YBEY: variants seen among roughly 807,000 people sequenced by gnomAD.
YBEY encodes endoribonuclease YbeY.
A neutral mutation model predicts 13.5 loss-of-function variants in YBEY; 15 were observed. That is an observed-to-expected ratio of 1.11 (90% CI 0.75 to 1.72). The LOEUF is 1.72. Among genes scored for constraint, YBEY ranks in the 40% most tolerant of loss-of-function variants. YBEY has a pLI of 0.00. For missense variants in YBEY, 244 were observed against 208.4 expected (o/e 1.17, Z -1.05); for synonymous variants, 101 against 83.1 (o/e 1.21, Z -1.17).
At chr21:46,288,686 A>G (rs1001035102) in intron 2 of YBEY, among the ~76,000 whole-genome samples, 2 of 54,018 alleles carry the variant, frequency 3.7e-5, no homozygotes, top group Non-Finnish European at 9.9e-5. Flanking sequence ...TCAAAAAGAA[A>G]AAAAAAAAAA....
At chr21:46,310,015 A>C in the YBEY span, among the ~76,000 whole-genome samples, 200 of 152,222 alleles carry the variant, frequency 1.3e-3, no homozygotes, top group African/African-American at 4.6e-3. Context: ...ATAAAATAAA[A>C]TAAAATAATC....
intron 2 of YBEY, among the ~76,000 whole-genome samples, chr21:46,290,680 A>C (rs1265725138): frequency 6.6e-6 from 1 of 151,518 alleles, no homozygotes; most frequent in Non-Finnish European, 1.5e-5. Flanking sequence ...AGGCTGAGGC[A>C]GGCAGATCAC....
chr21:46,297,827 A>G, downstream of YBEY: 1 of 1,189,828 alleles, frequency 8.4e-7, no homozygotes, highest in Non-Finnish European at 1.0e-6. Flanking sequence ...TCTGGAGTTC[A>G]GGGAACGCGT....
downstream of YBEY, among the ~76,000 whole-genome samples, chr21:46,299,141 A>G (rs556408052): frequency 1.5e-5 from 2 of 135,182 alleles, no homozygotes; most frequent in Admixed American, 7.9e-5. Context: ...TAATTTTTGT[A>G]TTTCTTAGTA....
chr21:46,302,569 C>T (rs753592277), downstream of YBEY: 2 of 1,611,264 alleles, frequency 1.2e-6, no homozygotes, highest in African/African-American at 1.3e-5. Flanking sequence ...GCAGCAGCTC[C>T]ACCATGTCTG....
rs765023747 is a variant in YBEY at position 46,296,182 on chromosome 21, C to CT, written c.361dup (p.Cys121LeufsTer74). 6 of 1,613,770 alleles carry CT rather than the reference C, an allele frequency of 3.7e-6. No homozygotes were observed. Among genetic ancestry groups the CT allele is most frequent in the East Asian group, 2.2e-5 (1 of 44,870 alleles). On this transcript the variant is annotated frameshift_variant, in exon 4 of 5. Transcript: ENST00000397701. LOFTEE classifies it high-confidence loss of function. ...GACAGGTGACGGCCACCCACGGACTCTGTCACTTGCTGGGATTCACACACG... is the reference window on the plus strand; with the variant it reads ...GACAGGTGACGGCCACCCACGGACTCTTGTCACTTGCTGGGATTCACACACG...
downstream of YBEY, chr21:46,302,644 C>G: frequency 8.1e-7 from 1 of 1,233,556 alleles, no homozygotes; most frequent in Non-Finnish European, 1.2e-6. Context: ...AGTGATAGAG[C>G]ATTATAGGAC....
chr21:46,294,846 A>G (rs915607785), intron 3 of YBEY, among the ~76,000 whole-genome samples: 1 of 152,174 alleles, frequency 6.6e-6, no homozygotes, highest in African/African-American at 2.4e-5. Context: ...CTGCACAGCC[A>G]TGCCCTGAAT....
intron 4 of YBEY, among the ~76,000 whole-genome samples, chr21:46,297,258 C>T (rs2081981561): frequency 6.7e-6 from 1 of 148,806 alleles, no homozygotes; most frequent in South Asian, 2.1e-4. Flanking sequence ...CTCCTCCCCT[C>T]CTCCCCCTTC....
intron 2 of YBEY, among the ~76,000 whole-genome samples, chr21:46,288,888 G>A (rs1304446324): frequency 6.6e-6 from 1 of 152,050 alleles, no homozygotes; most frequent in Non-Finnish European, 1.5e-5. Context: ...CGGGCATGGT[G>A]GTGTGCAGAG....
the YBEY span, chr21:46,311,428 C>CA: frequency 7.2e-7 from 1 of 1,382,256 alleles, no homozygotes; most frequent in Non-Finnish European, 1.0e-6. Flanking sequence ...TTCCTCAACC[C>CA]ACAACAATAT....
chr21:46,292,361 C>T (rs540147926), intron 3 of YBEY, among the ~76,000 whole-genome samples: 4 of 152,360 alleles, frequency 2.6e-5, no homozygotes, highest in Admixed American at 1.3e-4. Context: ...TACATCTGAG[C>T]AGAATTCAGG....
Position 46,297,727 on chromosome 21 carries a change from G to A in YBEY, c.*93G>A, listed in dbSNP as rs745911917. ...GAATAAATAACGAATGAACGTACGA[G>A]GGGAACCTCCTCTTATTTCCTTCAC... On this transcript the variant is annotated 3_prime_UTR_variant, in exon 5 of 5. Coordinates refer to ENST00000397701, the MANE Select transcript of YBEY (RefSeq NM_001314025.2). 29 of 1,251,926 alleles carry A rather than the reference G, an allele frequency of 2.3e-5. No homozygotes were observed. The highest frequency in any genetic ancestry group is 2.8e-5 in the Non-Finnish European group (28 of 990,688). The allele number at this position is 1,251,926 out of a possible 1,614,324, so 77.6% of individuals were successfully genotyped here. A position where few individuals can be genotyped will look rare whatever the true frequency, so the allele number is the denominator to read the frequency against.
At chr21:46,297,484 G>T in intron 4 of YBEY, 55 bp from the exon 5 acceptor site, 1 of 1,322,422 alleles carries the variant, frequency 7.6e-7, no homozygotes, top group South Asian at 2.0e-5. Flanking sequence ...CGACCCCAGA[G>T]AGTGGGGCGC....
intron 3 of YBEY, 41 bp from the exon 4 acceptor site, chr21:46,296,121 G>A (rs1232518680): frequency 3.7e-6 from 6 of 1,612,638 alleles, no homozygotes; most frequent in South Asian, 3.3e-5. Flanking sequence ...GCAGGTTCCT[G>A]TGGGGTCATC....
chr21:46,286,679 C>G, intron 1 of YBEY, 191 bp from the exon 2 acceptor site: 1 of 406,610 alleles, frequency 2.5e-6, no homozygotes, highest in South Asian at 3.8e-5. Context: ...GCCTGGAGTC[C>G]TTCTGGCCGG....
intron 4 of YBEY, 147 bp from the exon 5 acceptor site, chr21:46,297,392 C>T (rs985739161): frequency 4.0e-6 from 2 of 499,360 alleles, no homozygotes; most frequent in Admixed American, 2.6e-4. Context: ...TGCCCGGAGC[C>T]GGGTCCCGCC....
downstream of YBEY, chr21:46,302,112 G>C: frequency 6.6e-7 from 1 of 1,525,644 alleles, no homozygotes; most frequent in Non-Finnish European, 8.8e-7. Context: ...GGCAGCCTTG[G>C]CCTGGCAGCT....
chr21:46,297,547 G>A lies in YBEY; in HGVS notation c.417G>A (p.Gln139=). Residue 139 remains glutamine (Q), a synonymous_variant, in exon 5 of 5, where the codon CAG becomes CAA. Coordinates refer to ENST00000397701, the MANE Select transcript of YBEY (RefSeq NM_001314025.2). ...CGCTTCCTTCCTTCCAGATGTTCCA[G>A]AAGGAGAAGGCGGTGCTGGACGAGC... is the stretch of plus-strand genomic sequence containing the variant. ...GTEAEWQQMF[Q]KEKAVLDELG... 2.9e-6 allele frequency: 4 copies of A among 1,397,496 alleles called. No individual in the cohort carries two copies. The South Asian group carries it at 6.3e-5, about 22-fold the overall frequency. The allele number at this position is 1,397,496 out of a possible 1,614,324, so 86.6% of individuals were successfully genotyped here. A position where few individuals can be genotyped will look rare whatever the true frequency, so the allele number is the denominator to read the frequency against.
Sources: allele counts gnomAD v4.1 joint callset (sites outside exome capture counted in the v4.1 genomes callset), GRCh38; gene constraint gnomAD v4.1.1; transcripts MANE v1.5; gene names NCBI Gene and HGNC (gene_info 2026-07-23, HGNC 2026-07-21).